Variants in C19orf47 observed in about 807,000 individuals in gnomAD.
The protein encoded by C19orf47 is chromosome 19 open reading frame 47, also known as uncharacterized protein C19orf47.
In C19orf47, 18 loss-of-function variants were observed where a neutral mutation model predicts 32.3. That is an observed-to-expected ratio of 0.56 (90% CI 0.39 to 0.83). The LOEUF is 0.83. C19orf47 is among the 40% of genes least tolerant of loss of function. The pLI is 0.00. For synonymous variants in C19orf47, 202 were observed against 211.1 expected (o/e 0.96, Z 0.37); for missense variants, 484 against 531.6 (o/e 0.91, Z 0.88).
At chr19:40,317,717 GTTTT>G (rs747223536), downstream of C19orf47, among the ~76,000 whole-genome samples, 1 of 145,834 alleles carries the variant, frequency 6.9e-6, no homozygotes, top group Non-Finnish European at 1.5e-5. Flanking sequence ...CAAATCCACT[GTTTT>G]TTTTTTGTTT....
At chr19:40,296,285 T>G in the C19orf47 span, among the ~76,000 whole-genome samples, 1 of 151,766 alleles carries the variant, frequency 6.6e-6, no homozygotes, top group African/African-American at 2.4e-5. Context: ...TTTGTTTGTT[T>G]GTTTTTATTT....
chr19:40,326,967 G>A (rs550840665), intron 6 of C19orf47, among the ~76,000 whole-genome samples: 49 of 151,880 alleles, frequency 3.2e-4, no homozygotes, highest in Admixed American at 5.2e-4. Flanking sequence ...GTTGCTCCCA[G>A]GCTCGCCATC....
intron 1 of C19orf47, among the ~76,000 whole-genome samples, chr19:40,345,643 A>G (rs1199615237): frequency 6.6e-6 from 1 of 150,532 alleles, no homozygotes; most frequent in African/African-American, 2.4e-5. Context: ...GGAGTTCGAG[A>G]CCAGCCTGGC....
At chr19:40,324,111 C>T (rs1332217914) in intron 7 of C19orf47, 35 bp from the exon 8 acceptor site, 7 of 1,610,262 alleles carry the variant, frequency 4.3e-6, no homozygotes, top group African/African-American at 1.3e-5. Context: ...GGAGAGGCCC[C>T]GGTGGGCCAG....
At chr19:40,301,530 C>T in the C19orf47 span, among the ~76,000 whole-genome samples, 7 of 151,182 alleles carry the variant, frequency 4.6e-5, no homozygotes, top group South Asian at 2.1e-4. Flanking sequence ...TTGGTAGAGA[C>T]GAGGTTTCGC....
At chr19:40,341,959 CTG>C (rs1242580052) in intron 1 of C19orf47, 69 bp from the exon 2 acceptor site, 2 of 1,535,012 alleles carry the variant, frequency 1.3e-6, no homozygotes, top group African/African-American at 2.7e-5. Context: ...TCTCCTGTGC[CTG>C]TCTGTCTGCA....
At chr19:40,345,770 GC>G (rs1239400125) in intron 1 of C19orf47, among the ~76,000 whole-genome samples, 2 of 74,602 alleles carry the variant, frequency 2.7e-5, no homozygotes, top group East Asian at 3.8e-4. Flanking sequence ...TCAACCCGGG[GC>G]GGGGGGGGGA....
Position 40,333,917 on chromosome 19 carries a change from C to A in C19orf47, c.235G>T (p.Ala79Ser). ...CTGCAGGGTACTGACTCAGTGGCAG[C>A]TTTGCACATGTCCTGTGAAAAAAGA... ...KVVHRQDMCK[A>S]ATESVPCSPS... The change falls in exon 5 of 9, where the codon GCT (alanine) becomes TCT (serine). Residue 79 changes from alanine to serine, a missense_variant. This residue lies in a region of C19orf47 where 376 missense variants were observed against 370.2 expected (regional missense o/e 1.02). Transcript: ENST00000683109. 6.4e-7 allele frequency: 1 copy of A among 1,569,566 alleles called. No homozygotes were observed. The highest frequency in any genetic ancestry group is 8.6e-7 in the Non-Finnish European group (1 of 1,156,150).
At chr19:40,328,698 G>A in intron 5 of C19orf47, 148 bp from the exon 6 acceptor site, 1 of 1,111,914 alleles carries the variant, frequency 9.0e-7, no homozygotes, top group Non-Finnish European at 1.2e-6. Flanking sequence ...TGGTACTCGT[G>A]ATGGGGATGC....
chr19:40,309,956 G>A, the C19orf47 span, among the ~76,000 whole-genome samples: 2 of 152,130 alleles, frequency 1.3e-5, no homozygotes. Context: ...AAACAGTCTG[G>A]CAGTTCTTCA....
the C19orf47 span, among the ~76,000 whole-genome samples, chr19:40,309,776 A>G: frequency 4.7e-4 from 71 of 152,326 alleles, no homozygotes; most frequent in Non-Finnish European, 2.9e-4. Flanking sequence ...TATGCTTAAC[A>G]TCATTAGCTA....
At chr19:40,295,351 G>A in the C19orf47 span, among the ~76,000 whole-genome samples, 1 of 151,566 alleles carries the variant, frequency 6.6e-6, no homozygotes, top group Non-Finnish European at 1.5e-5. Context: ...CCTATGGAAA[G>A]ATCAAGAAGA....
chr19:40,342,629 C>T (rs571163733), intron 1 of C19orf47, among the ~76,000 whole-genome samples: 88 of 152,140 alleles, frequency 5.8e-4, no homozygotes, highest in African/African-American at 2.0e-3. Flanking sequence ...TTTAGTGCCA[C>T]GGAGAAGACA....
chr19:40,306,151 C>CAA, the C19orf47 span, among the ~76,000 whole-genome samples: 671 of 52,094 alleles, frequency 0.013, 8 homozygotes, highest in African/African-American at 0.02. Flanking sequence ...AACTCTGTCT[C>CAA]AAAAAAAAAA....
At chr19:40,295,653 C>T in the C19orf47 span, among the ~76,000 whole-genome samples, 1 of 151,502 alleles carries the variant, frequency 6.6e-6, no homozygotes, top group East Asian at 2.0e-4. Context: ...TCAGGCTGGT[C>T]TCAAACTCCT....
At chr19:40,302,445 G>A in the C19orf47 span, among the ~76,000 whole-genome samples, 1 of 151,958 alleles carries the variant, frequency 6.6e-6, no homozygotes, top group Admixed American at 6.6e-5. Flanking sequence ...TGTATTTCGT[G>A]TGCCACCACG....
chr19:40,307,547 T>C, the C19orf47 span, among the ~76,000 whole-genome samples: 1 of 152,078 alleles, frequency 6.6e-6, no homozygotes, highest in Non-Finnish European at 1.5e-5. Context: ...ACCTGGCTAA[T>C]TTTTGTATTT....
chr19:40,298,907 T>C, the C19orf47 span, among the ~76,000 whole-genome samples: 8 of 148,776 alleles, frequency 5.4e-5, no homozygotes, highest in East Asian at 2.0e-4. Flanking sequence ...CTGACCAAAA[T>C]TGAGTGAATT....
In C19orf47 at chr19:40,321,529, G is replaced by A. The variant is rs76105609; in HGVS notation, c.*353C>T. On this transcript the variant is annotated 3_prime_UTR_variant, in exon 9 of 9. Coordinates refer to ENST00000683109, the MANE Select transcript of C19orf47 (RefSeq NM_001256441.2). ...GGGGACAGGGAGGCTGATGAGCTGG[G>A]GTCTGAGGCAGCAGACCCTGCTCAG... The A allele has an allele frequency of 1.2e-3, 1,222 of 1,057,290 alleles. 18 individuals are homozygous for A. In the East Asian group the frequency reaches 0.047, roughly 41 times the overall value. The allele number at this position is 1,057,290 out of a possible 1,614,324, so 65.5% of individuals were successfully genotyped here.
Sources: allele counts gnomAD v4.1 joint callset (sites outside exome capture counted in the v4.1 genomes callset), GRCh38; gene constraint gnomAD v4.1.1; regional missense constraint gnomAD v4.1.1; transcripts MANE v1.5; gene names NCBI Gene and HGNC (gene_info 2026-07-23, HGNC 2026-07-21).